BBOX1: variants seen among roughly 807,000 people sequenced by gnomAD.
The protein encoded by BBOX1 is gamma-butyrobetaine dioxygenase.
In BBOX1, 35 loss-of-function variants were observed where a neutral mutation model predicts 41.6. The observed-to-expected ratio is 0.84, with a 90% CI of 0.64 to 1.11. BBOX1 has a LOEUF of 1.11. Among genes scored for constraint, BBOX1 ranks in the 50% most tolerant of loss-of-function variants. BBOX1 has a pLI of 0.00. For synonymous variants in BBOX1, 163 were observed against 154.7 expected, an observed-to-expected ratio of 1.05 and a Z score of -0.40; for missense variants, 458 against 460.6, an observed-to-expected ratio of 0.99 and a Z score of 0.05.
At chr11:27,044,994 C>A (rs911734044) in intron 2 of BBOX1, among the ~76,000 whole-genome samples, 1 of 152,128 alleles carries the variant, frequency 6.6e-6, no homozygotes, top group Non-Finnish European at 1.5e-5. Context: ...ATGGGGATAG[C>A]ATTGAATCTA....
intron 5 of BBOX1, among the ~76,000 whole-genome samples, chr11:27,099,748 G>A (rs1209456221): frequency 6.6e-6 from 1 of 152,030 alleles, no homozygotes; most frequent in Non-Finnish European, 1.5e-5. Context: ...AGATCTCTCT[G>A]ATCCTCCTCT....
intron 4 of BBOX1, among the ~76,000 whole-genome samples, chr11:27,076,826 T>A (rs7103662): frequency 1 from 152,109 of 152,252 alleles, 75,983 homozygotes; most frequent in Non-Finnish European, 1. Context: ...TCTGCTGCAC[T>A]GAAGAGTTTG....
chr11:27,043,821 A>G (rs1408523802), intron 2 of BBOX1, among the ~76,000 whole-genome samples: 1 of 152,078 alleles, frequency 6.6e-6, no homozygotes, highest in Non-Finnish European at 1.5e-5. Flanking sequence ...TATATGCCAC[A>G]TTTTCTTTAT....
intron 5 of BBOX1, among the ~76,000 whole-genome samples, chr11:27,094,195 C>T (rs1053324930): frequency 1.3e-5 from 2 of 151,926 alleles, no homozygotes; most frequent in African/African-American, 4.8e-5. Context: ...ATAAGAATTT[C>T]CTGGGAGGTA....
At chr11:27,088,314 T>C (rs562114625) in intron 4 of BBOX1, among the ~76,000 whole-genome samples, 1 of 152,146 alleles carries the variant, frequency 6.6e-6, no homozygotes, top group South Asian at 2.1e-4. Flanking sequence ...TGAAACTCTC[T>C]GGAAAGTGAT....
At chr11:27,124,587 C>T (rs1351020174) in intron 7 of BBOX1, among the ~76,000 whole-genome samples, 1 of 152,050 alleles carries the variant, frequency 6.6e-6, no homozygotes, top group Non-Finnish European at 1.5e-5. Context: ...GTGCGATCTC[C>T]GCTCACTGCA....
intron 2 of BBOX1, among the ~76,000 whole-genome samples, chr11:27,053,589 G>A (rs1348722615): frequency 1.3e-5 from 2 of 152,102 alleles, no homozygotes; most frequent in Non-Finnish European, 2.9e-5. Context: ...TAAGGATCTA[G>A]TTGTATTATT....
At chr11:27,117,146 T>G (rs920426026) in intron 6 of BBOX1, among the ~76,000 whole-genome samples, 1 of 152,028 alleles carries the variant, frequency 6.6e-6, no homozygotes. Context: ...TACAGCTAAA[T>G]TAGACTATGT....
At chr11:27,084,252 G>A (rs1010564057) in intron 4 of BBOX1, among the ~76,000 whole-genome samples, 2 of 152,120 alleles carry the variant, frequency 1.3e-5, no homozygotes, top group Non-Finnish European at 2.9e-5. Flanking sequence ...AAGCAGTAAC[G>A]TGTTCATTAC....
At chr11:27,091,168 C>T (rs1210893675) in intron 4 of BBOX1, among the ~76,000 whole-genome samples, 1 of 151,942 alleles carries the variant, frequency 6.6e-6, no homozygotes, top group Non-Finnish European at 1.5e-5. Context: ...TCTGCCGCAG[C>T]TTCAGCCAGT....
intron 4 of BBOX1, among the ~76,000 whole-genome samples, chr11:27,064,325 C>T (rs1383635531): frequency 6.6e-6 from 1 of 151,736 alleles, no homozygotes; most frequent in Admixed American, 6.6e-5. Context: ...CATCATCTTC[C>T]GAAATGCATT....
intron 4 of BBOX1, among the ~76,000 whole-genome samples, chr11:27,084,500 GCT>G (rs1246463397): frequency 6.6e-6 from 1 of 152,110 alleles, no homozygotes; most frequent in East Asian, 1.9e-4. Flanking sequence ...GAAAATCAAA[GCT>G]CTGTTTTCCA....
At chr11:27,102,810 G>A (rs1272439183) in intron 5 of BBOX1, among the ~76,000 whole-genome samples, 3 of 152,012 alleles carry the variant, frequency 2.0e-5, no homozygotes, top group African/African-American at 7.2e-5. Context: ...CTTGAAAATT[G>A]GCTTGACTAA....
chr11:27,071,208 AC>A (rs1398557145), intron 4 of BBOX1, among the ~76,000 whole-genome samples: 1 of 151,854 alleles, frequency 6.6e-6, no homozygotes, highest in Non-Finnish European at 1.5e-5. Flanking sequence ...CCCCATCTCT[AC>A]TAAAACAAAA....
rs529879238 is a variant in BBOX1, at chr11:27,114,309, G to C, written c.534-1143G>C. On this transcript the variant is annotated intron_variant, in intron 5 of 8. Transcript: ENST00000263182. ...TTCGTGGATTGGAAGGCATAAAATT[G>C]TTAAGATGTCAATACTCCCCAAAGC... Among the ~76,000 whole-genome samples the C allele has an allele frequency of 2.6e-5, 4 of 151,708 alleles. No individual in the cohort carries two copies. The East Asian group carries it at 7.7e-4, about 29-fold the overall frequency.
At chr11:27,052,833 C>T (rs1184070449) in intron 2 of BBOX1, among the ~76,000 whole-genome samples, 3 of 152,066 alleles carry the variant, frequency 2.0e-5, no homozygotes, top group Non-Finnish European at 2.9e-5. Flanking sequence ...TTTATACTTC[C>T]GCTTCTTGCC....
chr11:27,042,199 A>G (rs2042508846), intron 2 of BBOX1, among the ~76,000 whole-genome samples: 1 of 152,230 alleles, frequency 6.6e-6, no homozygotes, highest in Non-Finnish European at 1.5e-5. Context: ...TTGATTTCCA[A>G]TCTGAAAATG....
chr11:27,060,221 A>G (rs1289891432), intron 4 of BBOX1, among the ~76,000 whole-genome samples: 1 of 152,136 alleles, frequency 6.6e-6, no homozygotes, highest in African/African-American at 2.4e-5. Flanking sequence ...TCACAATAGC[A>G]AATGAGTTCT....
chr11:27,052,593 C>T (rs777746842), intron 2 of BBOX1, among the ~76,000 whole-genome samples: 3 of 152,112 alleles, frequency 2.0e-5, no homozygotes, highest in African/African-American at 2.4e-5. Flanking sequence ...TGCTCAAACA[C>T]TGTATTTTCA....
Sources: allele counts gnomAD v4.1 joint callset (sites outside exome capture counted in the v4.1 genomes callset), GRCh38; gene constraint gnomAD v4.1.1; transcripts MANE v1.5; gene names NCBI Gene and HGNC (gene_info 2026-07-23, HGNC 2026-07-21).